FAM222B: variants seen among roughly 807,000 people sequenced by gnomAD.
The protein encoded by FAM222B is protein FAM222B.
FAM222B carries 12 observed loss-of-function variants against 38.0 expected under a neutral mutation model. The observed-to-expected ratio is 0.32, with a 90% CI of 0.20 to 0.51. The LOEUF is 0.51. Ranked by LOEUF, FAM222B falls within the 20% of genes least tolerant of loss-of-function variation. The pLI, the probability that FAM222B is intolerant of heterozygous loss-of-function variation, is 0.97. For synonymous variants in FAM222B, 329 were observed against 317.2 expected (o/e 1.04, Z -0.40); for missense variants, 716 against 754.2 (o/e 0.95, Z 0.59).
intron 2 of FAM222B, 64 bp downstream of exon 2, chr17:28,766,522 A>G: frequency 7.2e-7 from 1 of 1,387,094 alleles, no homozygotes; most frequent in East Asian, 2.5e-5. Context: ...TGCTTCAAGG[A>G]CGGCCCAAAT....
In FAM222B at chr17:28,807,909, A is replaced by G. The variant is rs180784597; in HGVS notation, c.-41+34773T>C. On this transcript the variant is annotated intron_variant, in intron 1 of 2. Coordinates refer to ENST00000581407, the MANE Select transcript of FAM222B (RefSeq NM_001077498.3). ...TAAAACAAACAAAAAGATGGATTAA[A>G]AGTTTGTATCGGAAAGGTAACTTTG... Among the ~76,000 whole-genome samples, 12 of 152,344 alleles carry G rather than the reference A, an allele frequency of 7.9e-5. No homozygotes were observed. The East Asian group carries it at 2.3e-3, about 29-fold the overall frequency.
At chr17:28,762,973 C>G (rs937591916) in intron 2 of FAM222B, among the ~76,000 whole-genome samples, 2 of 151,874 alleles carry the variant, frequency 1.3e-5, no homozygotes, top group Non-Finnish European at 2.9e-5. Context: ...ACACTTATCA[C>G]AGCCCCCACA....
chr17:28,779,939 C>CT (rs1281620476), intron 1 of FAM222B, among the ~76,000 whole-genome samples: 1 of 151,076 alleles, frequency 6.6e-6, no homozygotes, highest in Non-Finnish European at 1.5e-5. Flanking sequence ...TGCTTTTCCT[C>CT]TAAGATCAGG....
intron 1 of FAM222B, among the ~76,000 whole-genome samples, chr17:28,773,731 G>A (rs1015299161): frequency 5.3e-5 from 8 of 151,892 alleles, no homozygotes; most frequent in Non-Finnish European, 7.4e-5. Context: ...CCAGAAGGCG[G>A]AGGTTGCAGT....
chr17:28,806,132 A>G (rs544920288), intron 1 of FAM222B, among the ~76,000 whole-genome samples: 2 of 152,266 alleles, frequency 1.3e-5, no homozygotes, highest in East Asian at 3.9e-4. Context: ...AACCTAGGCA[A>G]CAAGAGTGAA....
chr17:28,822,396 G>C (rs928814936), intron 1 of FAM222B, among the ~76,000 whole-genome samples: 1 of 150,824 alleles, frequency 6.6e-6, no homozygotes, highest in Non-Finnish European at 1.5e-5. Context: ...GCCGAAGGCA[G>C]GTGGATCACC....
At chr17:28,854,478 C>A (rs2039210589) in intron 1 of FAM222B, among the ~76,000 whole-genome samples, 1 of 152,214 alleles carries the variant, frequency 6.6e-6, no homozygotes, top group Non-Finnish European at 1.5e-5. Context: ...CTCTTCATCC[C>A]AAACACCGAC....
intron 2 of FAM222B, among the ~76,000 whole-genome samples, chr17:28,765,588 G>A (rs1195434951): frequency 6.6e-6 from 1 of 152,108 alleles, no homozygotes; most frequent in African/African-American, 2.4e-5. Context: ...CCAAATTTAG[G>A]GCTGTTTTTA....
intron 1 of FAM222B, among the ~76,000 whole-genome samples, chr17:28,800,035 T>C (rs2037145921): frequency 2.1e-5 from 2 of 94,880 alleles, no homozygotes; most frequent in African/African-American, 3.5e-5. Context: ...TGATACTTTC[T>C]TTTTTTTTTT....
At chr17:28,835,657 A>G (rs1490599245) in intron 1 of FAM222B, among the ~76,000 whole-genome samples, 1 of 152,110 alleles carries the variant, frequency 6.6e-6, no homozygotes, top group African/African-American at 2.4e-5. Flanking sequence ...TTTTAAACAA[A>G]ACAGTTTTTT....
intron 1 of FAM222B, among the ~76,000 whole-genome samples, chr17:28,781,968 T>C (rs2036184942): frequency 6.6e-6 from 1 of 152,142 alleles, no homozygotes; most frequent in South Asian, 2.1e-4. Flanking sequence ...CAATGTTTTG[T>C]TTACAGGCAT....
chr17:28,780,736 G>C (rs2036131722), intron 1 of FAM222B, among the ~76,000 whole-genome samples: 1 of 152,026 alleles, frequency 6.6e-6, no homozygotes, highest in Admixed American at 6.6e-5. Flanking sequence ...ACACAAATTA[G>C]GTGGTCGTGG....
intron 1 of FAM222B, among the ~76,000 whole-genome samples, chr17:28,801,614 ATTATTATTG>A (rs2037233392): frequency 6.6e-6 from 1 of 152,072 alleles, no homozygotes; most frequent in Admixed American, 6.5e-5. Flanking sequence ...TATTATTATT[ATTATTATTG>A]TTGTTCTTCT....
At chr17:28,796,721 T>TA (rs561600399) in intron 1 of FAM222B, among the ~76,000 whole-genome samples, 231 of 144,638 alleles carry the variant, frequency 1.6e-3, no homozygotes, top group Non-Finnish European at 2.5e-3. Context: ...CAGCAAAGAT[T>TA]AAAAAAAAAA....
rs1227607572 is a variant in FAM222B at position 28,769,265 on chromosome 17, C to T, written c.-40-2558G>A. 2.0e-5 allele frequency among the ~76,000 whole-genome samples: 3 copies of T among 150,076 alleles called. No individual in the cohort carries two copies. In the East Asian group the frequency reaches 5.9e-4, roughly 29 times the overall value. On this transcript the variant is annotated intron_variant, in intron 1 of 2. Coordinates refer to ENST00000581407, the MANE Select transcript of FAM222B (RefSeq NM_001077498.3). ...TGCGATCTCGGTTCACTGCAACCTC[C>T]GCTCCCGGGTTCACGCCATTCTCCT... is the stretch of plus-strand genomic sequence containing the variant.
At chr17:28,769,259 A>C (rs1357095267) in intron 1 of FAM222B, among the ~76,000 whole-genome samples, 1 of 136,860 alleles carries the variant, frequency 7.3e-6, no homozygotes, top group Admixed American at 8.8e-5. Flanking sequence ...GGTTCACTGC[A>C]ACCTCCGCTC....
chr17:28,789,153 G>A (rs1029855016), intron 1 of FAM222B, among the ~76,000 whole-genome samples: 2 of 142,402 alleles, frequency 1.4e-5, no homozygotes, highest in Admixed American at 7.1e-5. Context: ...GAAAACAAAA[G>A]TTCAAAATTC....
chr17:28,765,417 T>A (rs1302597863), intron 2 of FAM222B, among the ~76,000 whole-genome samples: 1 of 152,202 alleles, frequency 6.6e-6, no homozygotes, highest in Non-Finnish European at 1.5e-5. Flanking sequence ...AGAGACCACA[T>A]GGCCCACAAA....
intron 1 of FAM222B, among the ~76,000 whole-genome samples, chr17:28,827,807 G>A (rs1282295219): frequency 6.6e-6 from 1 of 152,178 alleles, no homozygotes; most frequent in Non-Finnish European, 1.5e-5. Context: ...CTAGGGTAAT[G>A]AAGGGCTTTA....
Sources: allele counts gnomAD v4.1 joint callset (sites outside exome capture counted in the v4.1 genomes callset), GRCh38; gene constraint gnomAD v4.1.1; transcripts MANE v1.5; gene names NCBI Gene and HGNC (gene_info 2026-07-23, HGNC 2026-07-21).